The following INSL6 variants were observed in gnomAD, a reference collection of about 807,000 sequenced individuals.
INSL6 encodes insulin-like peptide INSL6.
In INSL6, 16 loss-of-function variants were observed where a neutral mutation model predicts 9.4. The ratio of observed to expected loss-of-function variants is 1.70; its 90% CI spans 1.15 to 2.59. The LOEUF (loss-of-function observed/expected upper bound fraction) is 2.59. Ranked by LOEUF, INSL6 falls within the 30% of genes most tolerant of loss-of-function variation. The pLI, the probability that INSL6 is intolerant of heterozygous loss-of-function variation, is 0.00. For missense variants in INSL6, 391 were observed against 257.3 expected (o/e 1.52, Z -3.56); for synonymous variants, 154 against 96.9 (o/e 1.59, Z -3.46).
the INSL6 span, among the ~76,000 whole-genome samples, chr9:5,113,328 G>C: frequency 6.7e-6 from 1 of 148,692 alleles, no homozygotes; most frequent in African/African-American, 2.5e-5. Context: ...ACTTGAGGGA[G>C]ATGCTGTGGA....
downstream of INSL6, among the ~76,000 whole-genome samples, chr9:5,162,811 T>G (rs1378262425): frequency 6.6e-6 from 1 of 152,194 alleles, no homozygotes; most frequent in Non-Finnish European, 1.5e-5. Flanking sequence ...AATAAAACAT[T>G]TAAGAACATT....
chr9:5,021,876 GC>G, the INSL6 span: 2 of 688,222 alleles, frequency 2.9e-6, no homozygotes, highest in Non-Finnish European at 4.9e-6. Flanking sequence ...CAAGCTATCT[GC>G]CCGCCTCGGC....
chr9:5,016,992 TAAA>T, the INSL6 span, among the ~76,000 whole-genome samples: 13 of 152,184 alleles, frequency 8.5e-5, no homozygotes, highest in Non-Finnish European at 1.6e-4. Flanking sequence ...TTGATCAAGA[TAAA>T]GAAGAATCTA....
chr9:5,132,113 A>C (rs1424593610), intron 3 of INSL6: 1 of 152,172 alleles, frequency 6.6e-6, no homozygotes, highest in Admixed American at 6.5e-5. Context: ...TTCTTATTGA[A>C]GGACTTTGAA....
In INSL6 at chr9:5,164,138, T is replaced by C. The variant is rs146156603; in HGVS notation, c.417A>G (p.Val139=). The change falls in exon 2 of 2, where the codon GTA becomes GTG. Residue 139 remains valine (V), a synonymous_variant. Coordinates refer to ENST00000381641, the MANE Select transcript of INSL6 (RefSeq NM_007179.3). ...REFSSSHNIN[V]YIHENAKFQK... is the part of the protein sequence containing the mutation. ...GAAATTTTGCATTCTCATGAATATATACATTGATATTATGTGATGAAGAAA... is the reference window on the plus strand; with the variant it reads ...GAAATTTTGCATTCTCATGAATATACACATTGATATTATGTGATGAAGAAA... 4 of 1,610,394 alleles carry C rather than the reference T, an allele frequency of 2.5e-6. No homozygotes were observed. The African/African-American group carries it at 5.4e-5, about 22-fold the overall frequency.
chr9:4,997,224 C>T, the INSL6 span, among the ~76,000 whole-genome samples: 46,313 of 151,860 alleles, frequency 0.3, 7,356 homozygotes, highest in Middle Eastern at 0.38. Context: ...GGAGCCACCG[C>T]GCATGGCCTG....
chr9:5,031,719 A>G, the INSL6 span, among the ~76,000 whole-genome samples: 1 of 152,234 alleles, frequency 6.6e-6, no homozygotes, highest in African/African-American at 2.4e-5. Context: ...TGCAATTGTC[A>G]ACTATAAAAA....
At chr9:5,096,212 T>C in the INSL6 span, among the ~76,000 whole-genome samples, 641 of 152,302 alleles carry the variant, frequency 4.2e-3, 3 homozygotes, top group Non-Finnish European at 6.1e-3. Flanking sequence ...CCTCCACTTA[T>C]TTCTTCTACC....
the INSL6 span, chr9:5,091,275 T>C: frequency 6.2e-6 from 1 of 160,842 alleles, no homozygotes; most frequent in Non-Finnish European, 1.3e-5. Context: ...TTTACTTGGG[T>C]GGTATAATGG....
chr9:5,183,455 T>A (rs1825501978), intron 1 of INSL6, among the ~76,000 whole-genome samples: 3 of 152,232 alleles, frequency 2.0e-5, no homozygotes, highest in Admixed American at 1.3e-4. Flanking sequence ...TGCTCATTAT[T>A]AATGACATTT....
chr9:5,080,600 T>A, the INSL6 span: 1 of 1,608,296 alleles, frequency 6.2e-7, no homozygotes, highest in Non-Finnish European at 8.5e-7. Flanking sequence ...GCAAACCTTA[T>A]AAATAATTGT....
chr9:5,151,289 A>G (rs1824708705), intron 2 of INSL6, among the ~76,000 whole-genome samples: 1 of 152,228 alleles, frequency 6.6e-6, no homozygotes, highest in Admixed American at 6.5e-5. Flanking sequence ...GTAGAAAAGC[A>G]TGAAAAAGAC....
chr9:5,082,884 T>G, the INSL6 span, among the ~76,000 whole-genome samples: 1 of 152,344 alleles, frequency 6.6e-6, no homozygotes, highest in East Asian at 1.9e-4. Context: ...AGTTACAGAT[T>G]AACAGCATCT....
At chr9:5,179,906 A>G (rs768661377) in intron 1 of INSL6, among the ~76,000 whole-genome samples, 38 of 152,204 alleles carry the variant, frequency 2.5e-4, no homozygotes, top group Non-Finnish European at 4.6e-4. Context: ...GGATTAATAC[A>G]TAGGTGATAG....
At chr9:5,090,548 A>G in the INSL6 span, 5 of 1,589,650 alleles carry the variant, frequency 3.1e-6, no homozygotes, top group East Asian at 9.0e-5. Flanking sequence ...AAACTTCTGC[A>G]GTACACATCT....
intron 2 of INSL6, among the ~76,000 whole-genome samples, chr9:5,149,548 C>T (rs375414424): frequency 1.6e-4 from 24 of 152,242 alleles, no homozygotes; most frequent in African/African-American, 5.1e-4. Flanking sequence ...TATGAAAGAT[C>T]TCTATAAGGA....
chr9:5,091,631 G>A, the INSL6 span: 1 of 152,094 alleles, frequency 6.6e-6, no homozygotes, highest in Non-Finnish European at 1.5e-5. Flanking sequence ...TAGAGTTTAG[G>A]CCTTTTTGGT....
intron 1 of INSL6, among the ~76,000 whole-genome samples, chr9:5,177,498 C>G (rs751830772): frequency 2.0e-5 from 3 of 152,192 alleles, no homozygotes; most frequent in Non-Finnish European, 2.9e-5. Flanking sequence ...AGAGCAAACG[C>G]TCAGGCACAC....
chr9:5,000,453 G>T, the INSL6 span, among the ~76,000 whole-genome samples: 2 of 152,222 alleles, frequency 1.3e-5, no homozygotes, highest in East Asian at 3.9e-4. Flanking sequence ...GTAGTTTAAA[G>T]GAATGATTCA....
Sources: gnomAD v4.1 joint callset for allele counts (sites outside exome capture counted in the v4.1 genomes callset) on GRCh38, gnomAD v4.1.1 for gene constraint, MANE v1.5 for transcripts, NCBI Gene and HGNC (gene_info 2026-07-23, HGNC 2026-07-21) for gene names.